The following PRR16 variants were observed in gnomAD, a reference collection of about 807,000 sequenced individuals.
PRR16 encodes protein Largen.
Under a neutral mutation model 18.2 loss-of-function variants are expected in PRR16, and 6 were observed. The observed-to-expected ratio is 0.33, with a 90% CI of 0.18 to 0.65. The LOEUF is 0.65. Among genes scored for constraint, PRR16 ranks in the 30% least tolerant of loss-of-function variants. The pLI is 0.74. For missense variants in PRR16, 412 were observed against 376.6 expected (o/e 1.09, Z -0.78); for synonymous variants, 151 against 147.8 (o/e 1.02, Z -0.16).
chr5:120,500,103 C>G (rs1039728111), intron 1 of PRR16, among the ~76,000 whole-genome samples: 2 of 152,036 alleles, frequency 1.3e-5, no homozygotes, highest in African/African-American at 4.8e-5. Context: ...CTAGCCTACC[C>G]TCTTGTCTTT....
At chr5:120,693,525 GTCTTC>G in the PRR16 span, among the ~76,000 whole-genome samples, 1 of 152,198 alleles carries the variant, frequency 6.6e-6, no homozygotes, top group Non-Finnish European at 1.5e-5. Flanking sequence ...CAAGTCTGCA[GTCTTC>G]AGAGTTACTG....
intron 1 of PRR16, among the ~76,000 whole-genome samples, chr5:120,619,806 T>C (rs1470897511): frequency 6.6e-6 from 1 of 152,060 alleles, no homozygotes; most frequent in Non-Finnish European, 1.5e-5. Context: ...CTTTGCACTA[T>C]GCACTGTGCT....
intron 1 of PRR16, among the ~76,000 whole-genome samples, chr5:120,667,859 A>G (rs1375505235): frequency 3.3e-5 from 5 of 152,080 alleles, no homozygotes; most frequent in Non-Finnish European, 4.4e-5. Flanking sequence ...TTTGCTGAGG[A>G]GAGCTTTACT....
chr5:120,489,783 G>C (rs1360113946), intron 1 of PRR16, among the ~76,000 whole-genome samples: 1 of 152,234 alleles, frequency 6.6e-6, no homozygotes, highest in East Asian at 1.9e-4. Flanking sequence ...TTTTGCAGTG[G>C]CTGGTACCGG....
chr5:120,712,290 A>G, the PRR16 span, among the ~76,000 whole-genome samples: 1 of 152,146 alleles, frequency 6.6e-6, no homozygotes, highest in Non-Finnish European at 1.5e-5. Flanking sequence ...CAATAATACA[A>G]TACTATTAAC....
intron 1 of PRR16, among the ~76,000 whole-genome samples, chr5:120,474,045 A>G (rs953837468): frequency 1.8e-4 from 28 of 152,174 alleles, no homozygotes; most frequent in African/African-American, 5.5e-4. Context: ...CAAGTTTCCC[A>G]TGCATTTGCA....
intron 1 of PRR16, among the ~76,000 whole-genome samples, chr5:120,660,768 G>T (rs974283143): frequency 6.6e-6 from 1 of 151,948 alleles, no homozygotes; most frequent in Non-Finnish European, 1.5e-5. Flanking sequence ...TGTGTTTTTA[G>T]AATTTGCATA....
At chr5:120,647,635 A>G (rs1755643361) in intron 1 of PRR16, among the ~76,000 whole-genome samples, 1 of 152,048 alleles carries the variant, frequency 6.6e-6, no homozygotes, top group African/African-American at 2.4e-5. Flanking sequence ...TAATCTCTGA[A>G]AGAGTTACTC....
At chr5:120,576,954 A>G (rs1163966337) in intron 1 of PRR16, among the ~76,000 whole-genome samples, 1 of 151,962 alleles carries the variant, frequency 6.6e-6, no homozygotes, top group Non-Finnish European at 1.5e-5. Flanking sequence ...GTATATACAC[A>G]TATACACATA....
At chr5:120,721,834 G>C in the PRR16 span, among the ~76,000 whole-genome samples, 1 of 152,082 alleles carries the variant, frequency 6.6e-6, no homozygotes, top group Non-Finnish European at 1.5e-5. Flanking sequence ...GCTTGCACCA[G>C]ATAGCCCCAT....
At chr5:120,488,943 T>C (rs12514130) in intron 1 of PRR16, among the ~76,000 whole-genome samples, 109,387 of 152,022 alleles carry the variant, frequency 0.72, 40,457 homozygotes, top group East Asian at 0.96. Context: ...TGTTCAGTTT[T>C]GATGTAGTTG....
At chr5:120,739,415 G>A in the PRR16 span, among the ~76,000 whole-genome samples, 1 of 152,080 alleles carries the variant, frequency 6.6e-6, no homozygotes, top group Non-Finnish European at 1.5e-5. Context: ...TTATAAGAGG[G>A]CAATGGGTTA....
At chr5:120,603,383 T>A (rs1260535795) in intron 1 of PRR16, among the ~76,000 whole-genome samples, 4 of 152,136 alleles carry the variant, frequency 2.6e-5, no homozygotes, top group Admixed American at 6.6e-5. Flanking sequence ...TGGCTTTTTA[T>A]GTTTCTGAGG....
chr5:120,698,775 G>T, the PRR16 span, among the ~76,000 whole-genome samples: 4 of 152,112 alleles, frequency 2.6e-5, no homozygotes, highest in African/African-American at 9.7e-5. Flanking sequence ...TGGTGGCTGA[G>T]CTTGGTGAGG....
chr5:120,503,447 T>A (rs1750532677), intron 1 of PRR16, among the ~76,000 whole-genome samples: 1 of 152,078 alleles, frequency 6.6e-6, no homozygotes, highest in African/African-American at 2.4e-5. Context: ...AGACTCAGAG[T>A]TATTGCAGGG....
chr5:120,477,797 C>T (rs1422564727), intron 1 of PRR16, among the ~76,000 whole-genome samples: 2 of 152,158 alleles, frequency 1.3e-5, no homozygotes, highest in Non-Finnish European at 1.5e-5. Flanking sequence ...TTACTTCAGG[C>T]TCAGTCACAG....
rs201082218 is a variant in PRR16 at position 120,686,030 on chromosome 5, C to T, written c.236C>T (p.Thr79Met). The T allele has an allele frequency of 4.5e-5, 72 of 1,614,130 alleles. No individual in the cohort carries two copies. Among genetic ancestry groups the T allele is most frequent in the African/African-American group, 4.0e-5 (3 of 75,026 alleles). ...DEMTDSSKTD[T>M]LNSSSSGTTA... ...ATGACTGACAGCTCCAAAACGGACACGCTGAATAGTAGCTCAAGTGGCACA... is the reference window on the plus strand; with the variant it reads ...ATGACTGACAGCTCCAAAACGGACATGCTGAATAGTAGCTCAAGTGGCACA... Residue 79 changes from threonine (T) to methionine (M), a missense_variant, in exon 2 of 2, where the codon ACG becomes ATG. Physicochemically the swap from Thr to Met is moderately conservative, Grantham distance 81 (BLOSUM62 -1). Transcript: ENST00000407149.
At chr5:120,782,398 G>A in the PRR16 span, among the ~76,000 whole-genome samples, 7 of 152,156 alleles carry the variant, frequency 4.6e-5, no homozygotes, top group Admixed American at 6.5e-5. Context: ...CCATCTTGAT[G>A]ATTTTAATTG....
At chr5:120,667,596 C>T (rs537080447) in intron 1 of PRR16, among the ~76,000 whole-genome samples, 121 of 151,266 alleles carry the variant, frequency 8.0e-4, no homozygotes, top group African/African-American at 2.7e-3. Context: ...GCATTTAGTG[C>T]TATAAATTTC....
Sources: gnomAD v4.1 joint callset for allele counts (sites outside exome capture counted in the v4.1 genomes callset) on GRCh38, gnomAD v4.1.1 for gene constraint, MANE v1.5 for transcripts, NCBI Gene and HGNC (gene_info 2026-07-23, HGNC 2026-07-21) for gene names.